Variants in CCDC178 observed in about 807,000 individuals in gnomAD.
The protein encoded by CCDC178 is coiled-coil domain-containing protein 178.
CCDC178 carries 126 observed loss-of-function variants against 117.4 expected under a neutral mutation model. The observed-to-expected ratio is 1.07, with a 90% confidence interval of 0.93 to 1.24. The LOEUF is 1.24. Ranked by LOEUF, CCDC178 falls within the 50% of genes most tolerant of loss-of-function variation. The probability of loss-of-function intolerance (pLI) is 0.00; values close to 1 mark genes in which losing one functional copy is unlikely to be tolerated. For missense variants in CCDC178, 1,030 were observed against 986.9 expected, an observed-to-expected ratio of 1.04 and a Z score of -0.59; for synonymous variants, 283 against 313.4, an observed-to-expected ratio of 0.90 and a Z score of 1.02.
intron 21 of CCDC178, among the ~76,000 whole-genome samples, chr18:33,073,754 T>C (rs1165644498): frequency 6.6e-6 from 1 of 152,094 alleles, no homozygotes; most frequent in Admixed American, 6.6e-5. Flanking sequence ...TCTCTTGTAT[T>C]GAGCATACGT....
At chr18:32,946,919 A>C (rs903551451) in intron 22 of CCDC178, among the ~76,000 whole-genome samples, 1 of 151,654 alleles carries the variant, frequency 6.6e-6, no homozygotes, top group African/African-American at 2.4e-5. Flanking sequence ...AGCTGGGACT[A>C]CCGGCACGCA....
chr18:33,396,080 C>T (rs915261489), intron 4 of CCDC178, among the ~76,000 whole-genome samples: 1 of 151,882 alleles, frequency 6.6e-6, no homozygotes, highest in Non-Finnish European at 1.5e-5. Context: ...ATTCATATTA[C>T]ACAAGAAATT....
At chr18:33,273,885 A>G (rs2059915454) in intron 12 of CCDC178, among the ~76,000 whole-genome samples, 1 of 151,828 alleles carries the variant, frequency 6.6e-6, no homozygotes, top group South Asian at 2.1e-4. Flanking sequence ...CATCAAAATT[A>G]CAAACTTTTA....
At chr18:33,013,496 T>C (rs952505114) in intron 21 of CCDC178, among the ~76,000 whole-genome samples, 5 of 152,312 alleles carry the variant, frequency 3.3e-5, no homozygotes, top group African/African-American at 1.2e-4. Flanking sequence ...TTAAATGCAT[T>C]CCATTTTATA....
chr18:33,038,904 A>T (rs2056494567), intron 21 of CCDC178, among the ~76,000 whole-genome samples: 1 of 152,042 alleles, frequency 6.6e-6, no homozygotes, highest in South Asian at 2.1e-4. Context: ...TAGTTTAAGC[A>T]ATGTTCTCAC....
intron 21 of CCDC178, among the ~76,000 whole-genome samples, chr18:33,039,515 T>G (rs2056507511): frequency 6.6e-6 from 1 of 152,044 alleles, no homozygotes; most frequent in Admixed American, 6.6e-5. Context: ...GAAGCCTGCA[T>G]GAGGCCCCTA....
At chr18:33,240,591 T>C (rs972517240) in intron 15 of CCDC178, among the ~76,000 whole-genome samples, 1 of 151,788 alleles carries the variant, frequency 6.6e-6, no homozygotes, top group Non-Finnish European at 1.5e-5. Context: ...TGAACAGTTA[T>C]ACACTAATAA....
chr18:33,201,944 T>G (rs2058993776), intron 20 of CCDC178, among the ~76,000 whole-genome samples: 1 of 152,108 alleles, frequency 6.6e-6, no homozygotes, highest in Non-Finnish European at 1.5e-5. Context: ...AGATTCTGTC[T>G]TCAAATATTT....
At chr18:33,184,136 G>T (rs2058762993) in intron 20 of CCDC178, among the ~76,000 whole-genome samples, 1 of 151,990 alleles carries the variant, frequency 6.6e-6, no homozygotes, top group African/African-American at 2.4e-5. Context: ...TTGTTTTTTA[G>T]TGTATATAAT....
chr18:33,278,039 C>G (rs1052793981), intron 12 of CCDC178, among the ~76,000 whole-genome samples: 17 of 151,968 alleles, frequency 1.1e-4, no homozygotes, highest in African/African-American at 3.6e-4. Context: ...AGGGTGCCCA[C>G]AAATCTCCAA....
intron 20 of CCDC178, among the ~76,000 whole-genome samples, chr18:33,180,434 A>C (rs1414535479): frequency 6.6e-6 from 1 of 151,944 alleles, no homozygotes; most frequent in African/African-American, 2.4e-5. Context: ...ATAATATATC[A>C]TAATGATTTT....
At chr18:32,983,354 TAAGAATAGAAATA>T in intron 21 of CCDC178, 1 of 1,509,318 alleles carries the variant, frequency 6.6e-7, no homozygotes, top group African/African-American at 1.4e-5. Context: ...GCCTGCAACC[TAAGAATAGAAATA>T]TTACAAATAT....
intron 21 of CCDC178, among the ~76,000 whole-genome samples, chr18:32,996,703 T>C (rs75512026): frequency 0.034 from 5,163 of 152,070 alleles, 137 homozygotes; most frequent in East Asian, 0.081. Context: ...GATTCTGGTA[T>C]AGGCAAGTAT....
chr18:32,953,369 A>G (rs1234604102), intron 22 of CCDC178, among the ~76,000 whole-genome samples: 1 of 152,084 alleles, frequency 6.6e-6, no homozygotes, highest in African/African-American at 2.4e-5. Flanking sequence ...AATCTTTCCC[A>G]TGTCTTCCTA....
At chr18:33,383,445 A>G (rs902017562) in intron 5 of CCDC178, among the ~76,000 whole-genome samples, 2 of 151,806 alleles carry the variant, frequency 1.3e-5, no homozygotes, top group African/African-American at 4.8e-5. Flanking sequence ...TAGGGTTGCC[A>G]GACACCTCAT....
At chr18:32,983,873 A>G (rs1163950957) in intron 21 of CCDC178, among the ~76,000 whole-genome samples, 1 of 152,040 alleles carries the variant, frequency 6.6e-6, no homozygotes. Flanking sequence ...AGTTCTGTTT[A>G]TTGTAATAAC....
intron 22 of CCDC178, among the ~76,000 whole-genome samples, chr18:32,951,433 G>A (rs1360263939): frequency 1.3e-5 from 2 of 152,266 alleles, no homozygotes; most frequent in Admixed American, 1.3e-4. Context: ...AGGGTGGCAG[G>A]AGAGAGAATG....
intron 20 of CCDC178, among the ~76,000 whole-genome samples, chr18:33,126,930 T>A (rs942258542): frequency 1.3e-5 from 2 of 151,080 alleles, no homozygotes; most frequent in Admixed American, 1.3e-4. Flanking sequence ...GCTAGAATTA[T>A]AGGCATGAGC....
chr18:33,095,371 G>A (rs9963598), intron 20 of CCDC178, among the ~76,000 whole-genome samples: 7,571 of 151,908 alleles, frequency 0.05, 388 homozygotes, highest in African/African-American at 0.13. Context: ...ATTTTACTTG[G>A]TGATGGTTTG....
Sources: allele counts gnomAD v4.1 joint callset (sites outside exome capture counted in the v4.1 genomes callset), GRCh38; gene constraint gnomAD v4.1.1; transcripts MANE v1.5; gene names NCBI Gene and HGNC (gene_info 2026-07-23, HGNC 2026-07-21).